Variants in EVC observed in about 807,000 individuals in gnomAD.
EVC encodes the protein evC complex member EVC.
EVC carries 116 observed loss-of-function variants against 118.9 expected under a neutral mutation model. The ratio of observed to expected loss-of-function variants is 0.98; its 90% CI spans 0.84 to 1.14. EVC has a LOEUF of 1.14. Among genes scored for constraint, EVC ranks in the 50% most tolerant of loss-of-function variants. The pLI, the probability that EVC is intolerant of heterozygous loss-of-function variation, is 0.00. For synonymous variants in EVC, 619 were observed against 534.7 expected (o/e 1.16, Z -2.18); for missense variants, 1,401 against 1,246.4 (o/e 1.12, Z -1.87).
rs772594352 is a variant in EVC at position 5,799,826 on chromosome 4, A to T, written c.2304+1034A>T. Among the ~76,000 whole-genome samples the T allele has an allele frequency of 9.2e-5, 14 of 152,298 alleles. No individual in the cohort carries two copies. The East Asian group carries it at 9.7e-4, about 11-fold the overall frequency. On this transcript the variant is annotated intron_variant, in intron 15 of 20. Transcript: ENST00000264956. The stretch of plus-strand genomic sequence containing the variant: ...CCCTGTCTTATTCTAAATATCTCAC[A>T]TCTGCCTCAGATTATCCAAACAATT...
At chr4:5,720,441 C>T (rs1334422073) in intron 2 of EVC, among the ~76,000 whole-genome samples, 1 of 152,186 alleles carries the variant, frequency 6.6e-6, no homozygotes, top group East Asian at 1.9e-4. Flanking sequence ...TTGCCAGGCC[C>T]CTGCTCCAGA....
chr4:5,821,875 C>A, the EVC span: 1 of 1,582,822 alleles, frequency 6.3e-7, no homozygotes, highest in Non-Finnish European at 8.6e-7. The surrounding 1 kb of genome is among the most constrained non-coding windows in gnomAD (Gnocchi z 4.4). Context: ...CCAATCGCTG[C>A]TGGATGGGAT....
intron 11 of EVC, among the ~76,000 whole-genome samples, chr4:5,759,415 C>T (rs1269332581): frequency 6.6e-6 from 1 of 152,156 alleles, no homozygotes; most frequent in African/African-American, 2.4e-5. Context: ...GAAGCCCAGG[C>T]TCTGGAGCCA....
intron 2 of EVC, among the ~76,000 whole-genome samples, chr4:5,724,528 A>G (rs958071992): frequency 1.3e-5 from 2 of 152,202 alleles, no homozygotes; most frequent in Non-Finnish European, 2.9e-5. Context: ...ACCTGGGGCC[A>G]GCAAAGCTGA....
chr4:5,821,556 C>CACA, the EVC span: 1 of 573,626 alleles, frequency 1.7e-6, no homozygotes. The surrounding 1 kb of genome is among the most constrained non-coding windows in gnomAD (Gnocchi z 4.4). Context: ...TCAGCATGAA[C>CACA]ACAACTGTGG....
intron 1 of EVC, among the ~76,000 whole-genome samples, chr4:5,715,740 C>CCTTT (rs1553860016): frequency 0.018 from 1,276 of 70,974 alleles, 135 homozygotes; most frequent in African/African-American, 0.054. Flanking sequence ...TTTCCATTGT[C>CCTTT]TTTTTTTTTT....
At chr4:5,728,756 T>G (rs1726278765) in intron 2 of EVC, among the ~76,000 whole-genome samples, 2 of 152,244 alleles carry the variant, frequency 1.3e-5, no homozygotes, top group Admixed American at 1.3e-4. Context: ...CTGCATGTGC[T>G]TATACCCCTG....
intron 2 of EVC, among the ~76,000 whole-genome samples, chr4:5,726,461 T>C (rs971905929): frequency 6.6e-6 from 1 of 152,054 alleles, no homozygotes; most frequent in Non-Finnish European, 1.5e-5. Flanking sequence ...GATAAGTCCA[T>C]CCAGCTTCTT....
chr4:5,822,233 C>G, the EVC span, among the ~76,000 whole-genome samples: 117 of 152,350 alleles, frequency 7.7e-4, no homozygotes, highest in African/African-American at 2.7e-3. Flanking sequence ...GGTGTTTGTA[C>G]TCCCAACTTA....
chr4:5,809,691 A>G (rs1424188696), intron 19 of EVC, 80 bp downstream of exon 19: 6 of 1,260,772 alleles, frequency 4.8e-6, no homozygotes, highest in Non-Finnish European at 6.9e-6. Context: ...CTGGCCACTA[A>G]CTAGCTGTGT....
rs879234680 is a variant in EVC, at chr4:5,797,157, G to A, written c.2022G>A (p.Leu674=). 3 of 1,613,640 alleles carry A rather than the reference G, an allele frequency of 1.9e-6. No individual in the cohort carries two copies. The highest frequency in any genetic ancestry group is 1.7e-5 in the Admixed American group (1 of 60,032). The change falls in exon 14 of 21, where the codon CTG becomes CTA. Residue 674 remains leucine, a synonymous_variant. Coordinates refer to ENST00000264956, the MANE Select transcript of EVC (RefSeq NM_153717.3). ...GGAAGAAGCACCTCCTGCAGGAGCT[G>A]CGGGAACAGCGTGCACTGGAGCAGG... ...LSGKKHLLQE[L]REQRALEQGS...
intron 5 of EVC, among the ~76,000 whole-genome samples, chr4:5,736,075 T>C (rs985757042): frequency 5.3e-5 from 8 of 152,096 alleles, no homozygotes; most frequent in East Asian, 1.9e-4. Flanking sequence ...AGGAAGAAAC[T>C]GGCTCTGGGC....
At chr4:5,821,356 TCA>T in the EVC span, 1 of 184,154 alleles carries the variant, frequency 5.4e-6, no homozygotes, top group African/African-American at 2.3e-5. This position sits in a 1 kb window ranked among gnomAD's most constrained non-coding sequence, Gnocchi z 4.4. Flanking sequence ...TCAGACGCAC[TCA>T]CAGACTTGCA....
In EVC at chr4:5,752,663, G is replaced by GC. The variant is rs1730565027; in HGVS notation, c.1099-172dup. The GC allele has an allele frequency of 4.2e-6, 3 of 719,246 alleles. No homozygotes were observed. In the South Asian group the frequency reaches 4.9e-5, roughly 12 times the overall value. The allele number at this position is 719,246 out of a possible 1,614,324, so 44.6% of individuals were successfully genotyped here. A position where few individuals can be genotyped will look rare whatever the true frequency, so the allele number is the denominator to read the frequency against. On this transcript the variant is annotated intron_variant, in intron 8 of 20. Transcript: ENST00000264956. Reference sequence around the variant, plus strand: ...GAGACACTTAATCCCCACCTCGGGGGCAGACGCAGATCTCGCTCATGAAGG... The same window carrying GC: ...GAGACACTTAATCCCCACCTCGGGGGCCAGACGCAGATCTCGCTCATGAAGG...
In EVC at chr4:5,810,408, A is replaced by T; in HGVS notation, c.2852A>T (p.Asn951Ile). The T allele has an allele frequency of 6.2e-7, 1 of 1,613,646 alleles. No individual in the cohort carries two copies. The highest frequency in any genetic ancestry group is 8.5e-7 in the Non-Finnish European group (1 of 1,179,914). ...AGAGGGGACCTGGGGGTGCCCAACA[A>T]TGAGGACCTTGCCTCCGGGGACCAG... is the stretch of plus-strand genomic sequence containing the variant. ...QERGDLGVPN[N>I]EDLASGDQTS... The change falls in exon 20 of 21, where the codon AAT becomes ATT. Residue 951 changes from asparagine to isoleucine, a missense_variant. By Grantham distance (149) the Asn-to-Ile change is moderately radical. Coordinates refer to ENST00000264956, the MANE Select transcript of EVC (RefSeq NM_153717.3).
At chr4:5,761,600 A>G (rs1445239380) in intron 11 of EVC, among the ~76,000 whole-genome samples, 1 of 152,038 alleles carries the variant, frequency 6.6e-6, no homozygotes, top group Non-Finnish European at 1.5e-5. Flanking sequence ...ACGTAAGATC[A>G]GGCGAACATT....
Position 5,801,955 on chromosome 4 carries a change from A to G in EVC, c.2310A>G (p.Thr770=). The G allele has an allele frequency of 6.2e-7, 1 of 1,613,410 alleles. No homozygotes were observed. Among genetic ancestry groups the G allele is most frequent in the Non-Finnish European group, 8.5e-7 (1 of 1,179,966 alleles). The part of the protein sequence containing the change: ...RAKDRDDFKR[T]LMEAAVESVY... The stretch of plus-strand genomic sequence containing the variant: ...TCCTTCCTTTCTTCCCTCAGAGGAC[A>G]CTGATGGAGGCGGCAGTGGAGAGCG... The change falls in exon 16 of 21, where the codon ACA becomes ACG. Residue 770 remains threonine (T), a synonymous_variant. Transcript: ENST00000264956.
At chr4:5,821,705 A>G in the EVC span, 2 of 1,493,222 alleles carry the variant, frequency 1.3e-6, no homozygotes, top group Non-Finnish European at 9.1e-7. The surrounding 1 kb of genome is among the most constrained non-coding windows in gnomAD (Gnocchi z 4.4). Flanking sequence ...TGACAGGAAA[A>G]GGGATGGACA....
At position 5,756,431 on chromosome 4, in the gene EVC, T is replaced by G; in HGVS notation, c.1563+69T>G. 3 of 1,384,862 alleles carry G rather than the reference T, an allele frequency of 2.2e-6. No individual in the cohort carries two copies. Among genetic ancestry groups the G allele is most frequent in the Non-Finnish European group, 3.0e-6 (3 of 995,200 alleles). 85.8% of individuals were successfully genotyped at this position (1,384,862 alleles called of 1,614,324 possible). A position where few individuals can be genotyped will look rare whatever the true frequency, so the allele number is the denominator to read the frequency against. ...GTGTGTGTGCGAGAACCTCACATCC[T>G]CCTGGCTGGGGACCCCAGAGGTGGT... On this transcript the variant is annotated intron_variant, in intron 11 of 20. Transcript: ENST00000264956. The surrounding 1 kb of genome is among the most constrained non-coding windows in gnomAD (Gnocchi z 4.2).
Sources: allele counts gnomAD v4.1 joint callset (sites outside exome capture counted in the v4.1 genomes callset), GRCh38; gene constraint gnomAD v4.1.1; non-coding constraint Gnocchi (gnomAD v3.1); transcripts MANE v1.5; gene names NCBI Gene and HGNC (gene_info 2026-07-23, HGNC 2026-07-21).